Variants in WWOX observed in about 807,000 individuals in gnomAD.
WWOX encodes the protein WW domain containing oxidoreductase, also known as WW domain-containing oxidoreductase.
WWOX carries 69 observed loss-of-function variants against 46.2 expected under a neutral mutation model. The ratio of observed to expected loss-of-function variants is 1.49; its 90% CI spans 1.23 to 1.82. The LOEUF is 1.82. Ranked by LOEUF, WWOX falls within the 40% of genes most tolerant of loss-of-function variation. The pLI is 0.00. For missense variants in WWOX, 919 were observed against 542.6 expected, an observed-to-expected ratio of 1.69 and a Z score of -6.89; for synonymous variants, 359 against 202.6, an observed-to-expected ratio of 1.77 and a Z score of -6.56.
chr16:78,176,368 G>A (rs758707953), intron 5 of WWOX, among the ~76,000 whole-genome samples: 7 of 152,186 alleles, frequency 4.6e-5, no homozygotes, highest in African/African-American at 1.7e-4. Context: ...GCTGGAGAGC[G>A]TGCAGACTCA....
intron 8 of WWOX, among the ~76,000 whole-genome samples, chr16:79,044,338 G>A (rs920479060): frequency 1.3e-5 from 2 of 152,214 alleles, no homozygotes; most frequent in Non-Finnish European, 2.9e-5. Context: ...GTAATCTGCA[G>A]CGTTGGAGGT....
At chr16:78,983,870 C>CTT (rs760130115) in intron 8 of WWOX, among the ~76,000 whole-genome samples, 18,656 of 79,370 alleles carry the variant, frequency 0.24, 4,127 homozygotes, top group East Asian at 0.61. Context: ...GAGAGCTATT[C>CTT]TTTTTTTTTT....
chr16:78,453,896 C>A (rs2083750874), intron 8 of WWOX, among the ~76,000 whole-genome samples: 1 of 152,010 alleles, frequency 6.6e-6, no homozygotes, highest in African/African-American at 2.4e-5. Context: ...AGTTTTACAG[C>A]TTTTTGTATC....
intron 8 of WWOX, among the ~76,000 whole-genome samples, chr16:78,543,818 G>T (rs79416276): frequency 2.0e-5 from 3 of 152,078 alleles, no homozygotes; most frequent in Non-Finnish European, 2.9e-5. Flanking sequence ...TGCATCTCCC[G>T]CAGGGCCTGA....
chr16:78,584,680 A>C (rs2045150031), intron 8 of WWOX, among the ~76,000 whole-genome samples: 1 of 152,224 alleles, frequency 6.6e-6, no homozygotes, highest in African/African-American at 2.4e-5. Context: ...AGCAGGCAGG[A>C]ATTTTCCATG....
At chr16:78,971,988 A>G (rs149799348) in intron 8 of WWOX, among the ~76,000 whole-genome samples, 122 of 152,246 alleles carry the variant, frequency 8.0e-4, no homozygotes, top group African/African-American at 2.8e-3. Flanking sequence ...AGGCCGAGGT[A>G]GGAGTTTGTC....
chr16:78,570,375 C>G (rs938871509), intron 8 of WWOX, among the ~76,000 whole-genome samples: 4 of 152,272 alleles, frequency 2.6e-5, no homozygotes, highest in African/African-American at 9.6e-5. Context: ...GTGGTGCAAT[C>G]ATAACTCACT....
At chr16:78,761,418 G>C (rs905253368) in intron 8 of WWOX, among the ~76,000 whole-genome samples, 1 of 152,082 alleles carries the variant, frequency 6.6e-6, no homozygotes, top group Admixed American at 6.6e-5. Flanking sequence ...TACCTGTTTA[G>C]TGCCCTCTCG....
intron 5 of WWOX, among the ~76,000 whole-genome samples, chr16:78,288,042 A>G (rs1195231350): frequency 2.0e-5 from 3 of 152,118 alleles, no homozygotes; most frequent in East Asian, 3.9e-4. Context: ...TTTTTCTTTA[A>G]TTTAGCCATT....
intron 8 of WWOX, among the ~76,000 whole-genome samples, chr16:78,575,292 A>G (rs1337839511): frequency 6.7e-6 from 1 of 150,136 alleles, no homozygotes; most frequent in African/African-American, 2.4e-5. Flanking sequence ...TGTTAAGACT[A>G]TCTAAGATTC....
chr16:78,952,813 A>C (rs900383202), intron 8 of WWOX, among the ~76,000 whole-genome samples: 1 of 152,174 alleles, frequency 6.6e-6, no homozygotes, highest in Non-Finnish European at 1.5e-5. Flanking sequence ...ACAAGTGTTT[A>C]TTGAATGAGT....
intron 5 of WWOX, chr16:78,166,846 C>A (rs969870010): frequency 2.6e-5 from 4 of 152,438 alleles, no homozygotes; most frequent in African/African-American, 9.6e-5. Flanking sequence ...CATGAGCCAC[C>A]GTGCCCGACC....
intron 8 of WWOX, among the ~76,000 whole-genome samples, chr16:78,602,080 T>C (rs930113988): frequency 6.6e-6 from 1 of 152,232 alleles, no homozygotes; most frequent in Non-Finnish European, 1.5e-5. Flanking sequence ...TAGAGTCTTA[T>C]TTTAAAATGA....
At chr16:79,128,825 G>T (rs1207567732) in intron 8 of WWOX, among the ~76,000 whole-genome samples, 1 of 152,122 alleles carries the variant, frequency 6.6e-6, no homozygotes, top group Non-Finnish European at 1.5e-5. Context: ...GTTCACAATG[G>T]GACTAGAACA....
At chr16:78,330,423 A>G (rs1350536240) in intron 5 of WWOX, among the ~76,000 whole-genome samples, 1 of 151,950 alleles carries the variant, frequency 6.6e-6, no homozygotes, top group African/African-American at 2.4e-5. Flanking sequence ...CCCCTGAGAA[A>G]GTCTTGCTCT....
intron 8 of WWOX, among the ~76,000 whole-genome samples, chr16:78,766,259 C>G (rs775202281): frequency 1.3e-5 from 2 of 152,222 alleles, no homozygotes; most frequent in African/African-American, 4.8e-5. Flanking sequence ...GGTAGAAAGC[C>G]TTGCTCTTCG....
chr16:78,405,105 G>A (rs1196548522), intron 6 of WWOX, among the ~76,000 whole-genome samples: 1 of 152,040 alleles, frequency 6.6e-6, no homozygotes, highest in Non-Finnish European at 1.5e-5. Flanking sequence ...ATATAATCAA[G>A]GTAATGGACA....
chr16:78,694,606 T>C (rs545884078), intron 8 of WWOX, among the ~76,000 whole-genome samples: 1 of 152,340 alleles, frequency 6.6e-6, no homozygotes, highest in Admixed American at 6.5e-5. Flanking sequence ...AGCCCATTTA[T>C]TCACATTAAC....
At chr16:78,269,766 C>G (rs2079437588) in intron 5 of WWOX, among the ~76,000 whole-genome samples, 1 of 152,138 alleles carries the variant, frequency 6.6e-6, no homozygotes, top group Non-Finnish European at 1.5e-5. Flanking sequence ...TTATCCTTTT[C>G]ATAAATACTT....
Sources: gnomAD v4.1 joint callset for allele counts (sites outside exome capture counted in the v4.1 genomes callset) on GRCh38, gnomAD v4.1.1 for gene constraint, MANE v1.5 for transcripts, NCBI Gene and HGNC (gene_info 2026-07-23, HGNC 2026-07-21) for gene names.